Variants in LARGE1 observed in about 807,000 individuals in gnomAD.
LARGE1 encodes the protein LARGE xylosyl- and glucuronyltransferase 1.
A neutral mutation model predicts 87.6 loss-of-function variants in LARGE1; 43 were observed. The observed-to-expected ratio is 0.49, with a 90% CI of 0.38 to 0.63. The LOEUF is 0.63. LARGE1 is among the 30% of genes least tolerant of loss of function. The probability of loss-of-function intolerance (pLI) is 0.00; values close to 1 mark genes in which losing one functional copy is unlikely to be tolerated. For missense variants in LARGE1, 802 were observed against 1,000.2 expected (o/e 0.80, Z 2.67); for synonymous variants, 434 against 394.6 (o/e 1.10, Z -1.18).
chr22:33,755,924 T>C (rs887601490), intron 2 of LARGE1, among the ~76,000 whole-genome samples: 3 of 152,184 alleles, frequency 2.0e-5, no homozygotes, highest in Non-Finnish European at 4.4e-5. Flanking sequence ...TGGTCATAGA[T>C]GTTTCCACAT....
At chr22:33,817,344 C>CAT (rs746473379) in intron 1 of LARGE1, among the ~76,000 whole-genome samples, 6 of 152,112 alleles carry the variant, frequency 3.9e-5, no homozygotes, top group Admixed American at 1.3e-4. Flanking sequence ...AAGCCCTTTG[C>CAT]ATATATATAA....
intron 4 of LARGE1, among the ~76,000 whole-genome samples, chr22:33,620,415 C>A (rs923945129): frequency 2.0e-5 from 3 of 152,170 alleles, no homozygotes; most frequent in Non-Finnish European, 2.9e-5. Flanking sequence ...CGTTTATCTG[C>A]AACTGGGATT....
intron 11 of LARGE1, among the ~76,000 whole-genome samples, chr22:33,237,475 C>T (rs1427914650): frequency 6.6e-6 from 1 of 151,394 alleles, no homozygotes; most frequent in Middle Eastern, 3.2e-3. Flanking sequence ...TGTTTATGAG[C>T]TCATGTAATA....
chr22:33,781,047 A>C (rs534354681), intron 1 of LARGE1, among the ~76,000 whole-genome samples: 1 of 152,362 alleles, frequency 6.6e-6, no homozygotes, highest in South Asian at 2.1e-4. Context: ...CACCCAATTC[A>C]TAACCTTGTT....
intron 4 of LARGE1, among the ~76,000 whole-genome samples, chr22:33,612,391 A>G (rs1335667380): frequency 6.6e-6 from 1 of 152,182 alleles, no homozygotes; most frequent in African/African-American, 2.4e-5. Flanking sequence ...CATGAGCCAC[A>G]GCACCCAGCC....
chr22:33,661,953 T>C (rs1160494971), intron 2 of LARGE1, among the ~76,000 whole-genome samples: 1 of 151,606 alleles, frequency 6.6e-6, no homozygotes, highest in African/African-American at 2.4e-5. Context: ...AAACTGAATG[T>C]GAAACATGAC....
chr22:33,547,125 A>AATGT (rs1020098261), intron 6 of LARGE1, among the ~76,000 whole-genome samples: 3 of 151,968 alleles, frequency 2.0e-5, no homozygotes, highest in South Asian at 2.1e-4. Flanking sequence ...GAAAGAAGCT[A>AATGT]ATGTATGTAT....
At position 33,548,574 on chromosome 22, in the gene LARGE1, C is replaced by T. The variant is rs557417672; in HGVS notation, c.787+16274G>A. On this transcript the variant is annotated intron_variant, in intron 6 of 14. Coordinates refer to ENST00000397394, the MANE Select transcript of LARGE1 (RefSeq NM_133642.5). ...GGGATTTCAGGCATGTGCCACCACACCTGGCTAATTTTGTATTTTTAGGAG... is the reference window on the plus strand; with the variant it reads ...GGGATTTCAGGCATGTGCCACCACATCTGGCTAATTTTGTATTTTTAGGAG... Among the ~76,000 whole-genome samples, 5 of 152,286 alleles carry T rather than the reference C, an allele frequency of 3.3e-5. No homozygotes were observed. In the East Asian group the frequency reaches 9.6e-4, roughly 29 times the overall value.
intron 11 of LARGE1, among the ~76,000 whole-genome samples, chr22:33,211,728 G>C (rs2097369): frequency 2.6e-5 from 4 of 151,968 alleles, no homozygotes; most frequent in African/African-American, 7.3e-5. Flanking sequence ...AGCCGAGATC[G>C]CGCCACTACA....
intron 7 of LARGE1, among the ~76,000 whole-genome samples, chr22:33,386,355 C>A (rs527574662): frequency 6.7e-6 from 1 of 149,076 alleles, no homozygotes; most frequent in East Asian, 1.9e-4. Context: ...TAGACTAGAG[C>A]CCCAGCAATG....
intron 1 of LARGE1, among the ~76,000 whole-genome samples, chr22:33,850,288 G>A (rs573274127): frequency 1.1e-4 from 16 of 152,194 alleles, no homozygotes; most frequent in Admixed American, 2.0e-4. Context: ...TCTAAAAGAC[G>A]AGTGTTCTAG....
intron 1 of LARGE1, among the ~76,000 whole-genome samples, chr22:33,766,971 T>A (rs183616266): frequency 2.5e-4 from 32 of 128,754 alleles, no homozygotes; most frequent in African/African-American, 9.5e-4. Context: ...TATATATACT[T>A]CCTGAAATTT....
chr22:33,762,855 G>A (rs1420697605), intron 1 of LARGE1, among the ~76,000 whole-genome samples: 1 of 152,192 alleles, frequency 6.6e-6, no homozygotes, highest in Non-Finnish European at 1.5e-5. Flanking sequence ...GTGTCACGCT[G>A]ACTATAGGTG....
intron 6 of LARGE1, among the ~76,000 whole-genome samples, chr22:33,504,366 TCTC>T (rs527936627): frequency 9.3e-4 from 142 of 152,302 alleles, no homozygotes; most frequent in African/African-American, 3.4e-3. Context: ...TTCAAGCAAT[TCTC>T]CTGCCTCAGC....
At chr22:33,878,795 T>C (rs180833037) in intron 1 of LARGE1, among the ~76,000 whole-genome samples, 1 of 152,276 alleles carries the variant, frequency 6.6e-6, no homozygotes, top group East Asian at 1.9e-4. Flanking sequence ...ATTCAATTAC[T>C]TGTCACTGGG....
At chr22:33,485,440 C>T (rs1355146277) in intron 6 of LARGE1, among the ~76,000 whole-genome samples, 1 of 151,610 alleles carries the variant, frequency 6.6e-6, no homozygotes, top group Admixed American at 6.6e-5. Context: ...TCTTGAACTA[C>T]CGACCTCAGG....
chr22:33,801,121 T>C (rs2086147659), intron 1 of LARGE1, among the ~76,000 whole-genome samples: 1 of 152,166 alleles, frequency 6.6e-6, no homozygotes, highest in Non-Finnish European at 1.5e-5. Context: ...TCTTCCTCAT[T>C]TCTCTCTTGC....
intron 10 of LARGE1, 81 bp from the exon 11 acceptor site, chr22:33,316,329 TC>T: frequency 1.4e-6 from 2 of 1,403,836 alleles, no homozygotes; most frequent in Admixed American, 3.7e-5. Context: ...AGCCCTGCCC[TC>T]CCCTGAGTTT....
rs779725828 is a variant in LARGE1, at chr22:33,316,121, G to A, written c.1415C>T (p.Thr472Met). Reference protein sequence around the residue: ...HYEYEPAADSTDVTLVAQLSM... With the variant: ...HYEYEPAADSMDVTLVAQLSM... ...CAGCTGAGCGACCAGGGTGACGTCCGTGCTGTCTGCTGCAGGCTCATACTC... is the reference window on the plus strand; with the variant it reads ...CAGCTGAGCGACCAGGGTGACGTCCATGCTGTCTGCTGCAGGCTCATACTC... The change falls in exon 11 of 15, where the codon ACG (threonine) becomes ATG (methionine). Residue 472 changes from threonine to methionine, a missense_variant. By Grantham distance (81) the Thr-to-Met change is moderately conservative. This residue lies in a region of LARGE1 where 625 missense variants were observed against 841.9 expected (regional missense o/e 0.74). Coordinates refer to ENST00000397394, the MANE Select transcript of LARGE1 (RefSeq NM_133642.5). 40 of 1,613,914 alleles carry A rather than the reference G, an allele frequency of 2.5e-5. No individual in the cohort carries two copies. The highest frequency in any genetic ancestry group is 1.3e-4 in the East Asian group (6 of 44,872).
Sources: gnomAD v4.1 joint callset for allele counts (sites outside exome capture counted in the v4.1 genomes callset) on GRCh38, gnomAD v4.1.1 for gene constraint, gnomAD v4.1.1 regional missense constraint, MANE v1.5 for transcripts, NCBI Gene and HGNC (gene_info 2026-07-23, HGNC 2026-07-21) for gene names.